DLGAP2: variants seen among roughly 807,000 people sequenced by gnomAD.
DLGAP2 encodes the protein DLG associated protein 2, also known as disks large-associated protein 2.
Under a neutral mutation model 100.3 loss-of-function variants are expected in DLGAP2, and 26 were observed. That is an observed-to-expected ratio of 0.26 (90% CI 0.19 to 0.36). The LOEUF (loss-of-function observed/expected upper bound fraction) is 0.36. DLGAP2 is among the 10% of genes least tolerant of loss of function. The pLI is 1.00. For synonymous variants in DLGAP2, 886 were observed against 630.1 expected (o/e 1.41, Z -6.08); for missense variants, 1,858 against 1,453.2 (o/e 1.28, Z -4.53).
At chr8:1,475,834 A>C (rs2130223749) in intron 3 of DLGAP2, among the ~76,000 whole-genome samples, 1 of 152,204 alleles carries the variant, frequency 6.6e-6, no homozygotes, top group Non-Finnish European at 1.5e-5. Flanking sequence ...TTTGTAACCA[A>C]ATGGAAAGGT....
intron 8 of DLGAP2, among the ~76,000 whole-genome samples, chr8:1,663,003 T>G (rs61106333): frequency 1.7e-4 from 21 of 120,122 alleles, no homozygotes; most frequent in African/African-American, 2.5e-4. Context: ...GAGTGTGGGG[T>G]GTGTGTGTGT....
At chr8:1,270,932 C>A (rs117251615) in intron 3 of DLGAP2, among the ~76,000 whole-genome samples, 1 of 152,186 alleles carries the variant, frequency 6.6e-6, no homozygotes, top group East Asian at 1.9e-4. Context: ...CACCGTTGAC[C>A]TGCTACTTAG....
intron 1 of DLGAP2, among the ~76,000 whole-genome samples, chr8:845,023 G>C (rs919899713): frequency 6.6e-6 from 1 of 152,182 alleles, no homozygotes; most frequent in Non-Finnish European, 1.5e-5. Flanking sequence ...ATTGCTGAAT[G>C]ACATTCATTT....
At chr8:1,561,286 G>C (rs1008036412) in intron 5 of DLGAP2, among the ~76,000 whole-genome samples, 1 of 152,034 alleles carries the variant, frequency 6.6e-6, no homozygotes, top group Non-Finnish European at 1.5e-5. Context: ...TTTATTAGCA[G>C]TGTGAGAAGA....
intron 1 of DLGAP2, among the ~76,000 whole-genome samples, chr8:823,142 T>C (rs1044643831): frequency 2.0e-5 from 3 of 152,108 alleles, no homozygotes; most frequent in Admixed American, 2.0e-4. Context: ...CTTCACACGT[T>C]CTGGCTCAGA....
At chr8:1,234,078 T>C (rs1045299274) in intron 2 of DLGAP2, among the ~76,000 whole-genome samples, 5 of 152,298 alleles carry the variant, frequency 3.3e-5, no homozygotes, top group African/African-American at 9.6e-5. Context: ...AGAGATAAAG[T>C]GCCAAAGAGA....
At chr8:1,349,049 G>A (rs749806784) in intron 3 of DLGAP2, among the ~76,000 whole-genome samples, 17 of 151,704 alleles carry the variant, frequency 1.1e-4, no homozygotes, top group Non-Finnish European at 2.4e-4. Flanking sequence ...GGGTGGAGAT[G>A]CGGCCACTTG....
chr8:915,515 C>G, intron 2 of DLGAP2, among the ~76,000 whole-genome samples: 1 of 151,322 alleles, frequency 6.6e-6, no homozygotes. Flanking sequence ...CCACTGCACT[C>G]CAGCCTGGGC....
chr8:1,664,284 G>C (rs1487338298), intron 8 of DLGAP2, among the ~76,000 whole-genome samples: 1 of 152,154 alleles, frequency 6.6e-6, no homozygotes, highest in Non-Finnish European at 1.5e-5. Context: ...TGGTGGCATG[G>C]GTACATCTAG....
chr8:1,540,858 C>T (rs1038279574), intron 4 of DLGAP2, among the ~76,000 whole-genome samples: 2 of 152,234 alleles, frequency 1.3e-5, no homozygotes, highest in Admixed American at 6.5e-5. Context: ...ACATCCAGGT[C>T]TCATCTATTT....
At chr8:1,260,410 A>G (rs1246452398) in intron 3 of DLGAP2, among the ~76,000 whole-genome samples, 2 of 152,092 alleles carry the variant, frequency 1.3e-5, no homozygotes, top group African/African-American at 4.8e-5. Context: ...ACTTGTTTCT[A>G]ATAACAAATG....
chr8:1,447,623 A>C (rs187366742), intron 3 of DLGAP2, among the ~76,000 whole-genome samples: 12 of 152,262 alleles, frequency 7.9e-5, no homozygotes, highest in South Asian at 2.1e-4. Flanking sequence ...TGAGGATTCC[A>C]TCTTTTTCTA....
chr8:1,325,390 C>G (rs1332115988), intron 3 of DLGAP2, among the ~76,000 whole-genome samples: 3 of 152,216 alleles, frequency 2.0e-5, no homozygotes, highest in Non-Finnish European at 4.4e-5. Flanking sequence ...CTCCAGCAGC[C>G]CTGGTCCCTG....
intron 3 of DLGAP2, among the ~76,000 whole-genome samples, chr8:1,303,865 G>C (rs1800426159): frequency 6.6e-6 from 1 of 152,220 alleles, no homozygotes; most frequent in Non-Finnish European, 1.5e-5. Context: ...TGGATGGCCT[G>C]CCTCTGGCCA....
intron 2 of DLGAP2, among the ~76,000 whole-genome samples, chr8:1,166,437 C>T (rs1288504898): frequency 6.6e-6 from 1 of 152,190 alleles, no homozygotes. Context: ...ACCCTCTGTT[C>T]GTCTCCAGGA....
At position 1,614,984 on chromosome 8, in the gene DLGAP2, T is replaced by G. The variant is rs576678709; in HGVS notation, c.1443-11756T>G. 7.5e-4 allele frequency among the ~76,000 whole-genome samples: 115 copies of G among 152,350 alleles called. 1 individual carries two copies. The highest frequency in any genetic ancestry group is 2.5e-3 in the African/African-American group (105 of 41,594). On this transcript the variant is annotated intron_variant, in intron 6 of 14. Coordinates refer to ENST00000637795, the MANE Select transcript of DLGAP2 (RefSeq NM_001346810.2). ...GCTGCCCATGGTCCTGTGAGTTCCC[T>G]CTGAGCACCCTCGCTACCTGCTGCA...
At chr8:1,215,155 A>G (rs1241736611) in intron 2 of DLGAP2, among the ~76,000 whole-genome samples, 2 of 152,236 alleles carry the variant, frequency 1.3e-5, no homozygotes, top group African/African-American at 2.4e-5. Flanking sequence ...AGAATTGACA[A>G]AAGTCATTAA....
At chr8:879,222 A>T (rs1164739571) in intron 1 of DLGAP2, among the ~76,000 whole-genome samples, 2 of 152,254 alleles carry the variant, frequency 1.3e-5, no homozygotes, top group Non-Finnish European at 2.9e-5. Context: ...AGAGGCACAT[A>T]GATAATTTCC....
chr8:1,668,304 G>C, intron 8 of DLGAP2, 25 bp from the exon 9 acceptor site: 1 of 1,459,490 alleles, frequency 6.9e-7, no homozygotes, highest in Non-Finnish European at 9.1e-7. Context: ...CACGCCTGTT[G>C]ACTTGGGACT....
Sources: gnomAD v4.1 joint callset for allele counts (sites outside exome capture counted in the v4.1 genomes callset) on GRCh38, gnomAD v4.1.1 for gene constraint, MANE v1.5 for transcripts, NCBI Gene and HGNC (gene_info 2026-07-23, HGNC 2026-07-21) for gene names.